DNM3: variants seen among roughly 807,000 people sequenced by gnomAD.
The protein encoded by DNM3 is dynamin 3, also known as dynamin-3.
In DNM3, 47 loss-of-function variants were observed where a neutral mutation model predicts 101.6. The observed-to-expected ratio is 0.46, with a 90% confidence interval of 0.37 to 0.59. DNM3 has a LOEUF of 0.59. Ranked by LOEUF, DNM3 falls within the 20% of genes least tolerant of loss-of-function variation. The probability of loss-of-function intolerance (pLI) is 0.00; values close to 1 mark genes in which losing one functional copy is unlikely to be tolerated. For missense variants in DNM3, 849 were observed against 1,085.7 expected, an observed-to-expected ratio of 0.78 and a Z score of 3.06; for synonymous variants, 385 against 387.9, an observed-to-expected ratio of 0.99 and a Z score of 0.09.
At chr1:171,891,856 T>C (rs1404175981) in intron 1 of DNM3, among the ~76,000 whole-genome samples, 7 of 152,172 alleles carry the variant, frequency 4.6e-5, no homozygotes, top group African/African-American at 1.7e-4. Context: ...GCTTTCCCTT[T>C]CTATCCTGTA....
Position 171,847,617 on chromosome 1 carries a change from G to A in DNM3, c.161+5800G>A, listed in dbSNP as rs2032325511. 2.0e-5 allele frequency among the ~76,000 whole-genome samples: 3 copies of A among 152,168 alleles called. No homozygotes were observed. The South Asian group carries it at 6.2e-4, about 32-fold the overall frequency. ...TTGAGAGTGGGATGGATCAGATCAA[G>A]TATTTTATAAGGACTTCCAAGGCAC... On this transcript the variant is annotated intron_variant, in intron 1 of 20. Coordinates refer to ENST00000627582, the MANE Select transcript of DNM3 (RefSeq NM_015569.5).
chr1:172,082,917 T>C (rs181362379), intron 12 of DNM3, among the ~76,000 whole-genome samples: 198 of 152,354 alleles, frequency 1.3e-3, no homozygotes, highest in African/African-American at 4.5e-3. Context: ...TTGCATCCAA[T>C]GACGATTACT....
chr1:171,922,289 A>G (rs1277434563), intron 2 of DNM3, among the ~76,000 whole-genome samples: 2 of 152,080 alleles, frequency 1.3e-5, no homozygotes, highest in Non-Finnish European at 2.9e-5. Context: ...ACATCATGAT[A>G]ATTTGATAGG....
At chr1:171,960,703 G>A (rs563748557) in intron 2 of DNM3, among the ~76,000 whole-genome samples, 2 of 152,236 alleles carry the variant, frequency 1.3e-5, no homozygotes, top group Admixed American at 6.5e-5. Flanking sequence ...GAGAAATAGG[G>A]AATGCTTGGT....
At chr1:172,041,324 G>T (rs2049370931) in intron 7 of DNM3, among the ~76,000 whole-genome samples, 1 of 152,150 alleles carries the variant, frequency 6.6e-6, no homozygotes, top group Non-Finnish European at 1.5e-5. Context: ...CAGATTCCCT[G>T]CCTGGGGTGG....
intron 4 of DNM3, among the ~76,000 whole-genome samples, chr1:172,000,659 A>G (rs2046304479): frequency 6.6e-6 from 1 of 152,008 alleles, no homozygotes; most frequent in Non-Finnish European, 1.5e-5. Context: ...TCAAAACTAG[A>G]CTTTTATGTT....
At chr1:172,271,205 G>A (rs949729576) in intron 15 of DNM3, among the ~76,000 whole-genome samples, 29 of 152,096 alleles carry the variant, frequency 1.9e-4, no homozygotes, top group Admixed American at 2.6e-4. Flanking sequence ...TGGCCATAGT[G>A]AGAGTATTTA....
At chr1:172,105,608 T>C (rs1262616776) in intron 13 of DNM3, among the ~76,000 whole-genome samples, 8 of 152,236 alleles carry the variant, frequency 5.3e-5, no homozygotes, top group African/African-American at 1.9e-4. Flanking sequence ...ATTCTTTCAA[T>C]TGAAGATTAA....
intron 2 of DNM3, among the ~76,000 whole-genome samples, chr1:171,934,389 TTA>T (rs1383011279): frequency 6.6e-6 from 1 of 152,234 alleles, no homozygotes; most frequent in Non-Finnish European, 1.5e-5. Flanking sequence ...TTCCACTAAT[TTA>T]TGTTATTTGC....
chr1:172,070,080 G>T (rs2052035938), intron 11 of DNM3, among the ~76,000 whole-genome samples: 1 of 152,072 alleles, frequency 6.6e-6, no homozygotes, highest in African/African-American at 2.4e-5. Context: ...CTCTGCTTGA[G>T]CTGTGGATTC....
At chr1:172,352,154 T>C (rs1277005775) in intron 17 of DNM3, among the ~76,000 whole-genome samples, 1 of 152,184 alleles carries the variant, frequency 6.6e-6, no homozygotes, top group Non-Finnish European at 1.5e-5. Context: ...GAATGCACTT[T>C]TGAACCTAGA....
At chr1:171,976,462 A>G (rs1177367446) in intron 2 of DNM3, among the ~76,000 whole-genome samples, 2 of 152,222 alleles carry the variant, frequency 1.3e-5, no homozygotes, top group Non-Finnish European at 2.9e-5. Context: ...TCCCTTTTAT[A>G]AAACCATCAG....
At chr1:172,328,164 A>G (rs1308105366) in intron 17 of DNM3, among the ~76,000 whole-genome samples, 2 of 152,174 alleles carry the variant, frequency 1.3e-5, no homozygotes, top group African/African-American at 4.8e-5. Context: ...GCTTGTTTAT[A>G]TATTTTTATT....
At chr1:172,204,217 G>A (rs1226438146) in intron 14 of DNM3, among the ~76,000 whole-genome samples, 1 of 151,926 alleles carries the variant, frequency 6.6e-6, no homozygotes. Context: ...GCATATTTTT[G>A]GTATGTTTTA....
chr1:172,092,431 G>T (rs2053972918), intron 12 of DNM3, among the ~76,000 whole-genome samples: 1 of 152,086 alleles, frequency 6.6e-6, no homozygotes, highest in African/African-American at 2.4e-5. Flanking sequence ...CTGCTTCATG[G>T]GGTTGCTGTG....
chr1:171,916,154 G>A (rs2039692269), intron 1 of DNM3, among the ~76,000 whole-genome samples: 2 of 152,164 alleles, frequency 1.3e-5, no homozygotes, highest in South Asian at 4.1e-4. Context: ...GAGAAAAATG[G>A]TCAAGAGCAC....
chr1:171,921,739 T>C lies in DNM3; in HGVS notation c.162-9T>C, dbSNP rs781240098. ...TCATGCCTTAATCTGTATTTCTTAC[T>C]TTTTTTAGGGACTTTCTCCCTCGAG... On this transcript the variant is annotated splice_polypyrimidine_tract_variant and intron_variant, in intron 1 of 20. Transcript: ENST00000627582. 1 of 1,572,970 alleles carries C rather than the reference T, an allele frequency of 6.4e-7. No individual in the cohort carries two copies. The highest frequency in any genetic ancestry group is 1.7e-4 in the Middle Eastern group (1 of 6,012).
intron 1 of DNM3, among the ~76,000 whole-genome samples, chr1:171,876,585 T>C (rs550486710): frequency 1.1e-3 from 169 of 152,316 alleles, no homozygotes; most frequent in African/African-American, 3.8e-3. Flanking sequence ...CTTTTCCTTC[T>C]TCCAGGCTAA....
At chr1:172,367,815 C>A (rs1194242619) in intron 17 of DNM3, among the ~76,000 whole-genome samples, 1 of 151,864 alleles carries the variant, frequency 6.6e-6, no homozygotes, top group African/African-American at 2.4e-5. Flanking sequence ...TGTGTCCCCA[C>A]CCAAATCTCA....
Sources: gnomAD v4.1 joint callset for allele counts (sites outside exome capture counted in the v4.1 genomes callset) on GRCh38, gnomAD v4.1.1 for gene constraint, MANE v1.5 for transcripts, NCBI Gene and HGNC (gene_info 2026-07-23, HGNC 2026-07-21) for gene names.